ENO4: variants seen among roughly 807,000 people sequenced by gnomAD.
ENO4 encodes the protein enolase 4.
Under a neutral mutation model 63.2 loss-of-function variants are expected in ENO4, and 53 were observed. That is an observed-to-expected ratio of 0.84 (90% CI 0.67 to 1.05). The LOEUF (loss-of-function observed/expected upper bound fraction) is 1.05. ENO4 is among the 50% of genes least tolerant of loss of function. The pLI is 0.00. For synonymous variants in ENO4, 266 were observed against 283.8 expected (o/e 0.94, Z 0.63); for missense variants, 719 against 772.0 (o/e 0.93, Z 0.81).
At chr10:116,906,950 G>C (rs565811051) in intron 10 of ENO4, among the ~76,000 whole-genome samples, 1 of 152,250 alleles carries the variant, frequency 6.6e-6, no homozygotes, top group African/African-American at 2.4e-5. Context: ...TGCTATTGAT[G>C]GTGTAAATGC....
At chr10:116,880,775 A>G (rs1006722906) in intron 13 of ENO4, among the ~76,000 whole-genome samples, 1 of 152,206 alleles carries the variant, frequency 6.6e-6, no homozygotes, top group Non-Finnish European at 1.5e-5. Context: ...TCAAATAGGT[A>G]AAATTATACT....
downstream of ENO4, chr10:116,886,472 G>A (rs750098990): frequency 6.2e-7 from 1 of 1,613,884 alleles, no homozygotes; most frequent in Non-Finnish European, 8.5e-7. Context: ...TTGGTTTGGG[G>A]TTCATGTGTA....
chr10:116,890,620 C>T (rs765245811), intron 10 of ENO4, among the ~76,000 whole-genome samples: 27 of 152,210 alleles, frequency 1.8e-4, no homozygotes, highest in Admixed American at 4.6e-4. Flanking sequence ...AAAATAAAAG[C>T]TACGAGAAAT....
rs768026642 is a variant in ENO4, at chr10:116,868,686, G to A, written c.1027G>A (p.Asp343Asn). The A allele has an allele frequency of 1.3e-5, 20 of 1,550,512 alleles. No individual in the cohort carries two copies. In the South Asian group the frequency reaches 1.4e-4, roughly 11 times the overall value. Residue 343 changes from aspartate (D) to asparagine (N), a missense_variant, in exon 8 of 14, where the codon GAT becomes AAT. Asp to Asn is a conservative substitution (Grantham distance 23). Transcript: ENST00000341276. Reference sequence around the variant, plus strand: ...AAAAGCAGAGACAAAAAAAGGGCACGATGGAAGCAAAAGAGGTCAAGTAAG... The same window carrying A: ...AAAAGCAGAGACAAAAAAAGGGCACAATGGAAGCAAAAGAGGTCAAGTAAG... ...PPKAETKKGH[D>N]GSKRGQQQIT...
intron 10 of ENO4, among the ~76,000 whole-genome samples, chr10:116,902,881 G>A (rs528985202): frequency 6.2e-4 from 95 of 152,292 alleles, no homozygotes; most frequent in African/African-American, 2.1e-3. Context: ...ATCTTAAAAT[G>A]GAAAGCACTA....
Position 116,876,930 on chromosome 10 carries a change from G to A in ENO4, c.1537+670G>A, listed in dbSNP as rs546087100. 3.8e-4 allele frequency among the ~76,000 whole-genome samples: 58 copies of A among 151,994 alleles called. 1 individual carries two copies. The highest frequency in any genetic ancestry group is 1.2e-3 in the African/African-American group (48 of 41,404). On this transcript the variant is annotated intron_variant, in intron 11 of 13. Coordinates refer to ENST00000341276, the MANE Select transcript of ENO4 (RefSeq NM_001242699.2). The stretch of plus-strand genomic sequence containing the variant: ...CGCGCCACTGCACTCCAGCCTGGGC[G>A]ACAGGGAGACTCCGTCTCAAAATTA...
intron 10 of ENO4, chr10:116,901,205 C>A (rs1334831200): frequency 5.6e-5 from 55 of 985,236 alleles, no homozygotes; most frequent in Non-Finnish European, 6.6e-5. Context: ...TCCACTAGAT[C>A]TGTCTGAAAC....
intron 1 of ENO4, 25 bp from the exon 2 acceptor site, chr10:116,855,598 T>C: frequency 6.5e-7 from 1 of 1,535,858 alleles, no homozygotes; most frequent in South Asian, 1.2e-5. Context: ...ACCAGATGAT[T>C]TTTGTTCTTT....
chr10:116,871,280 G>A lies in ENO4; in HGVS notation c.1203G>A (p.Glu401=). The change falls in exon 9 of 14, where the codon GAG becomes GAA. Residue 401 remains glutamate (E), a synonymous_variant. Coordinates refer to ENST00000341276, the MANE Select transcript of ENO4 (RefSeq NM_001242699.2). ...LHLAINCAGH[E]LMDYNKGKYE... is the part of the protein sequence containing the mutation. ...TAGCTATCAACTGTGCTGGACATGA[G>A]CTGATGGACTACGTAAGTTTCCACT... is the stretch of plus-strand genomic sequence containing the variant. The A allele has an allele frequency of 6.5e-7, 1 of 1,550,070 alleles. No homozygotes were observed. Among genetic ancestry groups the A allele is most frequent in the Non-Finnish European group, 8.7e-7 (1 of 1,146,774 alleles).
At chr10:116,870,758 G>A (rs1055954181) in intron 8 of ENO4, among the ~76,000 whole-genome samples, 2 of 152,180 alleles carry the variant, frequency 1.3e-5, no homozygotes, top group African/African-American at 4.8e-5. Context: ...GACTGGCAGA[G>A]CTAGAGACAG....
intron 1 of ENO4, among the ~76,000 whole-genome samples, chr10:116,853,567 G>A (rs144748518): frequency 6.6e-6 from 1 of 152,256 alleles, no homozygotes; most frequent in African/African-American, 2.4e-5. Flanking sequence ...TTCTTTCACA[G>A]CCCATATTAA....
intron 10 of ENO4, among the ~76,000 whole-genome samples, chr10:116,902,228 C>T (rs1847771567): frequency 6.6e-6 from 1 of 152,158 alleles, no homozygotes; most frequent in Non-Finnish European, 1.5e-5. Context: ...TGACCAGGGT[C>T]CTTCGTAATA....
chr10:116,862,270 C>T (rs1846436220), intron 6 of ENO4, among the ~76,000 whole-genome samples: 1 of 152,042 alleles, frequency 6.6e-6, no homozygotes, highest in African/African-American at 2.4e-5. Flanking sequence ...TCGAGACCAG[C>T]CTGGCCAACA....
intron 10 of ENO4, among the ~76,000 whole-genome samples, chr10:116,889,974 C>G (rs1847284099): frequency 6.6e-6 from 1 of 152,138 alleles, no homozygotes. Context: ...CTCATTCTAC[C>G]TTCATTCCTA....
downstream of ENO4, chr10:116,883,838 C>T (rs548066333): frequency 1.4e-4 from 24 of 177,484 alleles, no homozygotes; most frequent in East Asian, 4.1e-3. Flanking sequence ...GCTGCTGAAA[C>T]TGCTGTGGGT....
chr10:116,906,746 C>T (rs1847985225), intron 10 of ENO4: 1 of 1,604,908 alleles, frequency 6.2e-7, no homozygotes, highest in Non-Finnish European at 8.5e-7. Flanking sequence ...GTTAAGTGTC[C>T]CCTAAAGTGA....
Position 116,874,164 on chromosome 10 carries a change from C to T in ENO4, c.1304C>T (p.Pro435Leu). ...TATGTGGATCTGATCAACAAGTACC[C>T]TTCAATTATTGCCTTAATTGATCCT... is the stretch of plus-strand genomic sequence containing the variant. Reference protein sequence around the residue: ...DLYVDLINKYPSIIALIDPFR... With the variant: ...DLYVDLINKYLSIIALIDPFR... The change falls in exon 10 of 14, where the codon CCT (proline) becomes CTT (leucine). Residue 435 changes from proline to leucine, a missense_variant. By Grantham distance (98) the Pro-to-Leu change is moderately conservative. Around this residue, in one of 3 missense-constraint regions of ENO4, gnomAD observed 544 missense variants for 583.6 expected, o/e 0.93. Coordinates refer to ENST00000341276, the MANE Select transcript of ENO4 (RefSeq NM_001242699.2). The T allele has an allele frequency of 6.5e-7, 1 of 1,548,128 alleles. No homozygotes were observed. The highest frequency in any genetic ancestry group is 8.7e-7 in the Non-Finnish European group (1 of 1,145,124).
chr10:116,907,715 G>A (rs1024660099), intron 10 of ENO4, among the ~76,000 whole-genome samples: 3 of 152,140 alleles, frequency 2.0e-5, no homozygotes, highest in East Asian at 1.9e-4. Flanking sequence ...GGGAGGCAGC[G>A]GAGGGAGGGG....
At chr10:116,875,140 G>A (rs1450344230) in intron 10 of ENO4, among the ~76,000 whole-genome samples, 2 of 152,162 alleles carry the variant, frequency 1.3e-5, no homozygotes, top group Non-Finnish European at 1.5e-5. Flanking sequence ...AGATTGAACA[G>A]ATATATTGAA....
Sources: allele counts gnomAD v4.1 joint callset (sites outside exome capture counted in the v4.1 genomes callset), GRCh38; gene constraint gnomAD v4.1.1; regional missense constraint gnomAD v4.1.1; transcripts MANE v1.5; gene names NCBI Gene and HGNC (gene_info 2026-07-23, HGNC 2026-07-21).